GRXCR2: variants seen among roughly 807,000 people sequenced by gnomAD.
The protein encoded by GRXCR2 is glutaredoxin and cysteine rich domain containing 2, also known as glutaredoxin domain-containing cysteine-rich protein 2.
A neutral mutation model predicts 24.8 loss-of-function variants in GRXCR2; 23 were observed. That is an observed-to-expected ratio of 0.93 (90% CI 0.67 to 1.32). The LOEUF is 1.32. GRXCR2 is among the 40% of genes most tolerant of loss of function. The pLI, the probability that GRXCR2 is intolerant of heterozygous loss-of-function variation, is 0.00. For synonymous variants in GRXCR2, 130 were observed against 116.1 expected (o/e 1.12, Z -0.77); for missense variants, 315 against 303.4 (o/e 1.04, Z -0.28).
intron 2 of GRXCR2, among the ~76,000 whole-genome samples, chr5:145,861,524 C>G (rs923338304): frequency 1.3e-5 from 2 of 152,122 alleles, no homozygotes; most frequent in East Asian, 3.9e-4. Flanking sequence ...CAGGAGTTCC[C>G]CCACCCCCAT....
At position 145,927,329 on chromosome 5, in the gene GRXCR2, T is replaced by A. The variant is rs376861740; in HGVS notation, c.-70+8372A>T. ...GCCAGTTTTCAAAGGGAATGCTTCCTGTTTTTGCCCATTCAGTATGATATT... is the reference window on the plus strand; with the variant it reads ...GCCAGTTTTCAAAGGGAATGCTTCCAGTTTTTGCCCATTCAGTATGATATT... On this transcript the variant is annotated intron_variant, in intron 2 of 3. Transcript: ENST00000639411. 7.5e-3 allele frequency among the ~76,000 whole-genome samples: 1,142 copies of A among 152,180 alleles called. 4 individuals carry two copies. The highest frequency in any genetic ancestry group is 0.013 in the Non-Finnish European group (872 of 67,944).
At position 145,872,826 on chromosome 5, in the gene GRXCR2, T is replaced by C; in HGVS notation, c.143A>G (p.Glu48Gly). 6.2e-7 allele frequency: 1 copy of C among 1,614,180 alleles called. No homozygotes were observed. The highest frequency in any genetic ancestry group is 8.5e-7 in the Non-Finnish European group (1 of 1,180,018). Reference sequence around the variant, plus strand: ...CTCTTGCAGAAAACTGTGAGGGTATTCCTCCTTTGGTGACTCTAATTCCTG... The same window carrying C: ...CTCTTGCAGAAAACTGTGAGGGTATCCCTCCTTTGGTGACTCTAATTCCTG... ...DGQELESPKE[E>G]YPHSFLQESL... Residue 48 changes from glutamate to glycine, a missense_variant, in exon 1 of 3, where the codon GAA becomes GGA. Physicochemically the swap from Glu to Gly is moderately conservative, Grantham distance 98. Transcript: ENST00000377976.
At chr5:145,882,268 G>C (rs140465335) in intron 2 of GRXCR2, among the ~76,000 whole-genome samples, 2 of 152,008 alleles carry the variant, frequency 1.3e-5, no homozygotes, top group Admixed American at 6.6e-5. Context: ...TGCAATCTAC[G>C]CATCTGACAA....
At chr5:145,900,657 G>A (rs569454637) in intron 2 of GRXCR2, among the ~76,000 whole-genome samples, 2 of 152,338 alleles carry the variant, frequency 1.3e-5, no homozygotes, top group East Asian at 3.9e-4. Context: ...TGGCAAGGCT[G>A]CAGAGAAAAG....
upstream of GRXCR2, among the ~76,000 whole-genome samples, chr5:145,877,631 C>T (rs926201817): frequency 2.0e-5 from 3 of 152,220 alleles, no homozygotes; most frequent in African/African-American, 7.2e-5. Flanking sequence ...CAGTCTGCAG[C>T]TCCCAAAGTG....
At chr5:145,930,972 T>C (rs1757469312) in intron 2 of GRXCR2, among the ~76,000 whole-genome samples, 1 of 152,200 alleles carries the variant, frequency 6.6e-6, no homozygotes, top group African/African-American at 2.4e-5. Flanking sequence ...ATCTAGCAAC[T>C]GGCAGAGCTG....
chr5:145,910,073 C>T (rs1039349031), intron 2 of GRXCR2, among the ~76,000 whole-genome samples: 1 of 152,158 alleles, frequency 6.6e-6, no homozygotes, highest in African/African-American at 2.4e-5. Flanking sequence ...TCATATTGTA[C>T]ATCGAAGTTC....
chr5:145,897,050 C>T (rs1756960795), intron 2 of GRXCR2, among the ~76,000 whole-genome samples: 1 of 147,000 alleles, frequency 6.8e-6, no homozygotes, highest in African/African-American at 2.5e-5. Flanking sequence ...AACCAAACAC[C>T]ACATGTTCTC....
At chr5:145,889,595 A>G (rs1055595361) in intron 2 of GRXCR2, among the ~76,000 whole-genome samples, 1 of 152,216 alleles carries the variant, frequency 6.6e-6, no homozygotes, top group African/African-American at 2.4e-5. Context: ...AAAAATAAAT[A>G]CAAAAATTAG....
At position 145,872,684 on chromosome 5, in the gene GRXCR2, G is replaced by A. The variant is rs781431349; in HGVS notation, c.285C>T (p.Thr95=). The A allele has an allele frequency of 1.2e-6, 2 of 1,611,086 alleles. No homozygotes were observed. Among genetic ancestry groups the A allele is most frequent in the Non-Finnish European group, 1.7e-6 (2 of 1,177,732 alleles). ...TGAACCGAGGCTGGCCGCCTGCCAAGGTGTAGGCATTACCCTCTCTAAACA... is the reference window on the plus strand; with the variant it reads ...TGAACCGAGGCTGGCCGCCTGCCAAAGTGTAGGCATTACCCTCTCTAAACA... ...ISVFREGNAY[T]LAGGQPRFND... Residue 95 remains threonine, a synonymous_variant, in exon 1 of 3, where the codon ACC becomes ACT. Coordinates refer to ENST00000377976, the MANE Select transcript of GRXCR2 (RefSeq NM_001080516.2).
Position 145,901,688 on chromosome 5 carries a change from G to C in GRXCR2, c.-70+34013C>G, listed in dbSNP as rs910621777. 2.0e-5 allele frequency among the ~76,000 whole-genome samples: 3 copies of C among 152,172 alleles called. No individual in the cohort carries two copies. The South Asian group carries it at 6.2e-4, about 32-fold the overall frequency. ...AGGTCTCACTGAGAAGCACCCTTGA[G>C]TAGATGAGGGAGGGATCTAGGAGAA... On this transcript the variant is annotated intron_variant, in intron 2 of 3. Coordinates refer to the GRXCR2 transcript ENST00000639411.
chr5:145,888,335 A>C lies in GRXCR2; in HGVS notation c.-69-21607T>G, dbSNP rs1756804148. Reference sequence around the variant, plus strand: ...TCCTGGAAGACAGGGCTACAGCAGCAACCCAAACAATGTAAGCCTTCTCCC... The same window carrying C: ...TCCTGGAAGACAGGGCTACAGCAGCCACCCAAACAATGTAAGCCTTCTCCC... On this transcript the variant is annotated intron_variant, in intron 2 of 3. Transcript: ENST00000639411. Among the ~76,000 whole-genome samples, 3 of 152,216 alleles carry C rather than the reference A, an allele frequency of 2.0e-5. No individual in the cohort carries two copies. The South Asian group carries it at 6.2e-4, about 32-fold the overall frequency.
chr5:145,916,475 C>T (rs1337536425), intron 2 of GRXCR2, among the ~76,000 whole-genome samples: 1 of 145,074 alleles, frequency 6.9e-6, no homozygotes, highest in Non-Finnish European at 1.6e-5. Flanking sequence ...CCACCAGGCC[C>T]CAGGCTGAAC....
At chr5:145,922,737 A>G (rs1341985741) in intron 2 of GRXCR2, among the ~76,000 whole-genome samples, 2 of 152,246 alleles carry the variant, frequency 1.3e-5, no homozygotes, top group East Asian at 3.8e-4. Flanking sequence ...TATAGCCAGA[A>G]GCATTTCAAG....
chr5:145,876,814 A>G (rs1441638685), upstream of GRXCR2, among the ~76,000 whole-genome samples: 2 of 152,214 alleles, frequency 1.3e-5, no homozygotes, highest in Non-Finnish European at 2.9e-5. Flanking sequence ...TCACAAATAC[A>G]CTTCAAGAAG....
At chr5:145,911,795 A>G (rs1430124796) in intron 2 of GRXCR2, among the ~76,000 whole-genome samples, 8 of 152,186 alleles carry the variant, frequency 5.3e-5, no homozygotes, top group African/African-American at 1.9e-4. Flanking sequence ...CCTCCTCTAA[A>G]TAGGTTCATC....
intron 2 of GRXCR2, among the ~76,000 whole-genome samples, chr5:145,863,063 T>A (rs1206228518): frequency 1.3e-5 from 2 of 152,180 alleles, no homozygotes; most frequent in African/African-American, 4.8e-5. Context: ...CAAAGCCAAA[T>A]TTTTCCCTTT....
chr5:145,923,020 CAT>C (rs1757346965), intron 2 of GRXCR2, among the ~76,000 whole-genome samples: 1 of 152,226 alleles, frequency 6.6e-6, no homozygotes, highest in South Asian at 2.1e-4. Flanking sequence ...TGGATCACCA[CAT>C]CAGTGCCACC....
At chr5:145,902,770 C>T (rs962163964) in intron 2 of GRXCR2, among the ~76,000 whole-genome samples, 3 of 152,194 alleles carry the variant, frequency 2.0e-5, no homozygotes, top group African/African-American at 7.2e-5. Flanking sequence ...AAGTGTCAGG[C>T]ATGATGTTCA....
Sources: allele counts gnomAD v4.1 joint callset (sites outside exome capture counted in the v4.1 genomes callset), GRCh38; gene constraint gnomAD v4.1.1; transcripts MANE v1.5; gene names NCBI Gene and HGNC (gene_info 2026-07-23, HGNC 2026-07-21).